The following PCSK2 variants were observed in gnomAD, a reference collection of about 807,000 sequenced individuals.
PCSK2 encodes the protein neuroendocrine convertase 2.
A neutral mutation model predicts 69.7 loss-of-function variants in PCSK2; 14 were observed. The ratio of observed to expected loss-of-function variants is 0.20; its 90% CI spans 0.13 to 0.31. PCSK2 has a LOEUF of 0.31. PCSK2 is among the 10% of genes least tolerant of loss of function. The probability of loss-of-function intolerance (pLI) is 1.00; values close to 1 mark genes in which losing one functional copy is unlikely to be tolerated. For synonymous variants in PCSK2, 307 were observed against 320.7 expected, an observed-to-expected ratio of 0.96 and a Z score of 0.46; for missense variants, 544 against 842.5, an observed-to-expected ratio of 0.65 and a Z score of 4.39.
chr20:17,256,568 T>G (rs1188909631), intron 1 of PCSK2, among the ~76,000 whole-genome samples: 1 of 152,022 alleles, frequency 6.6e-6, no homozygotes, highest in Non-Finnish European at 1.5e-5. Context: ...TGTTTCTAGG[T>G]TTTGTTGTTT....
intron 2 of PCSK2, among the ~76,000 whole-genome samples, chr20:17,337,184 CCT>C (rs923384607): frequency 5.3e-5 from 8 of 152,130 alleles, no homozygotes; most frequent in African/African-American, 1.9e-4. Context: ...GGAGAAGAGC[CCT>C]GTTTCCAATA....
intron 2 of PCSK2, among the ~76,000 whole-genome samples, chr20:17,345,854 G>A (rs1337881257): frequency 1.3e-5 from 2 of 152,186 alleles, no homozygotes; most frequent in East Asian, 3.8e-4. Context: ...ACACACACCT[G>A]TAAAGGAGCA....
intron 2 of PCSK2, among the ~76,000 whole-genome samples, chr20:17,314,769 A>G (rs1359902479): frequency 1.3e-5 from 2 of 152,178 alleles, no homozygotes; most frequent in Non-Finnish European, 1.5e-5. Context: ...TCTGCTAGTC[A>G]GTGGCCTCAA....
intron 2 of PCSK2, among the ~76,000 whole-genome samples, chr20:17,355,096 C>T (rs2030147765): frequency 6.6e-6 from 1 of 152,122 alleles, no homozygotes; most frequent in Non-Finnish European, 1.5e-5. Flanking sequence ...TCCTAAGCAT[C>T]ACTAGTTTCC....
chr20:17,243,757 G>C lies in PCSK2; in HGVS notation c.177+16275G>C, dbSNP rs565283297. ...ACAACGTGTGTAATGCCCCTGCCAT[G>C]ATACATCACTTCAATCTAATGATGA... On this transcript the variant is annotated intron_variant, in intron 1 of 11. Coordinates refer to ENST00000262545, the MANE Select transcript of PCSK2 (RefSeq NM_002594.5). 7.9e-5 allele frequency among the ~76,000 whole-genome samples: 12 copies of C among 152,280 alleles called. No homozygotes were observed. In the South Asian group the frequency reaches 2.5e-3, roughly 32 times the overall value.
intron 2 of PCSK2, among the ~76,000 whole-genome samples, chr20:17,268,064 A>ATATATATATATATATATAG (rs1987702749): frequency 1.2e-5 from 1 of 86,118 alleles, no homozygotes; most frequent in Admixed American, 1.1e-4. Flanking sequence ...TATATATATA[A>ATATATATATATATATATAG]TGCATTTATA....
At chr20:17,315,979 C>T (rs1178760468) in intron 2 of PCSK2, among the ~76,000 whole-genome samples, 1 of 152,242 alleles carries the variant, frequency 6.6e-6, no homozygotes. Context: ...CTGTTGACAA[C>T]GCGATCATTC....
rs373709130 is a variant in PCSK2 at position 17,305,515 on chromosome 20, G to A, written c.282+45171G>A. Among the ~76,000 whole-genome samples, 22 of 152,204 alleles carry A rather than the reference G, an allele frequency of 1.4e-4. No homozygotes were observed. The South Asian group carries it at 4.6e-3, about 32-fold the overall frequency. On this transcript the variant is annotated intron_variant, in intron 2 of 11. Transcript: ENST00000262545. ...AACCCCAGGCTTGGCTGCAAATCTC[G>A]GCTCTCTGCCACTTCCCAGCCATGT...
chr20:17,229,616 G>C (rs1986071916), intron 1 of PCSK2, among the ~76,000 whole-genome samples: 1 of 151,818 alleles, frequency 6.6e-6, no homozygotes, highest in African/African-American at 2.4e-5. Flanking sequence ...CCTGAAACCT[G>C]CAGTTCCCAT....
chr20:17,456,266 T>A, intron 9 of PCSK2, 82 bp from the exon 10 acceptor site: 1 of 727,534 alleles, frequency 1.4e-6, no homozygotes, highest in Non-Finnish European at 2.4e-6. Context: ...ATAAAAGGAG[T>A]AGATAATCCC....
chr20:17,375,320 G>A (rs1054200015), intron 5 of PCSK2, among the ~76,000 whole-genome samples: 3 of 152,122 alleles, frequency 2.0e-5, no homozygotes, highest in Non-Finnish European at 2.9e-5. Context: ...ATAAGATTGT[G>A]AGGGTTGCAA....
chr20:17,467,774 G>A (rs998896576), intron 11 of PCSK2, among the ~76,000 whole-genome samples: 1 of 152,080 alleles, frequency 6.6e-6, no homozygotes, highest in African/African-American at 2.4e-5. Context: ...GGAGACTTTA[G>A]CAACACACAA....
At chr20:17,473,087 C>CTTTTTTTTTTT (rs10648323) in intron 11 of PCSK2, among the ~76,000 whole-genome samples, 6 of 76,790 alleles carry the variant, frequency 7.8e-5, no homozygotes, top group Admixed American at 1.9e-4. Context: ...AAGAAGAACT[C>CTTTTTTTTTTT]TTTTTTTTTT....
chr20:17,409,394 C>CT, intron 6 of PCSK2, 55 bp downstream of exon 6: 1 of 1,250,342 alleles, frequency 8.0e-7, no homozygotes, highest in South Asian at 1.2e-5. Flanking sequence ...TTTTATTCTA[C>CT]TTTGTTTTGT....
chr20:17,367,971 A>G (rs1222844701), intron 4 of PCSK2, among the ~76,000 whole-genome samples: 1 of 152,216 alleles, frequency 6.6e-6, no homozygotes, highest in Non-Finnish European at 1.5e-5. Context: ...GAAAGCAGCC[A>G]TAGTGACAGC....
At chr20:17,375,906 A>G (rs2030911473) in intron 5 of PCSK2, among the ~76,000 whole-genome samples, 1 of 152,180 alleles carries the variant, frequency 6.6e-6, no homozygotes, top group African/African-American at 2.4e-5. Flanking sequence ...ATCTCCCTTT[A>G]AAGAGGTGAA....
chr20:17,298,598 T>A (rs776228334), intron 2 of PCSK2, among the ~76,000 whole-genome samples: 2 of 152,232 alleles, frequency 1.3e-5, no homozygotes, highest in East Asian at 3.8e-4. Flanking sequence ...ATATTACTCA[T>A]TGTATTTAAA....
chr20:17,252,158 T>C (rs1394027196), intron 1 of PCSK2, among the ~76,000 whole-genome samples: 2 of 152,184 alleles, frequency 1.3e-5, no homozygotes, highest in East Asian at 1.9e-4. Flanking sequence ...AAAGTGATCA[T>C]GTTCCCCAGA....
At chr20:17,243,526 C>T (rs940361353) in intron 1 of PCSK2, among the ~76,000 whole-genome samples, 3 of 152,146 alleles carry the variant, frequency 2.0e-5, no homozygotes, top group Non-Finnish European at 2.9e-5. Context: ...AGGAGTCCAC[C>T]GAAGTAAGTT....
Sources: allele counts gnomAD v4.1 joint callset (sites outside exome capture counted in the v4.1 genomes callset), GRCh38; gene constraint gnomAD v4.1.1; transcripts MANE v1.5; gene names NCBI Gene and HGNC (gene_info 2026-07-23, HGNC 2026-07-21).